UBE2D2: variants seen among roughly 807,000 people sequenced by gnomAD.
UBE2D2 encodes ubiquitin-conjugating enzyme E2 D2.
UBE2D2 carries 2 observed loss-of-function variants against 24.2 expected under a neutral mutation model. The ratio of observed to expected loss-of-function variants is 0.08; its 90% CI spans 0.03 to 0.26. The LOEUF (loss-of-function observed/expected upper bound fraction) is 0.26. UBE2D2 is among the 10% of genes least tolerant of loss of function. The probability of loss-of-function intolerance (pLI) is 1.00; values close to 1 mark genes in which losing one functional copy is unlikely to be tolerated. For missense variants in UBE2D2, 44 were observed against 177.6 expected (o/e 0.25, Z 4.28); for synonymous variants, 58 against 56.5 (o/e 1.03, Z -0.12).
chr5:139,599,031 C>G (rs1001831179), intron 1 of UBE2D2, among the ~76,000 whole-genome samples: 3 of 143,522 alleles, frequency 2.1e-5, no homozygotes, highest in African/African-American at 7.9e-5. Flanking sequence ...TGGGTTCAAG[C>G]AATACTCCTG....
At chr5:139,559,836 T>C (rs191733295), upstream of UBE2D2, among the ~76,000 whole-genome samples, 60 of 152,192 alleles carry the variant, frequency 3.9e-4, no homozygotes, top group African/African-American at 1.4e-3. Context: ...CCCAGCAAAA[T>C]ATTCTTTACT....
chr5:139,550,570 C>G (rs866694376), intron 1 of UBE2D2, among the ~76,000 whole-genome samples: 2 of 152,102 alleles, frequency 1.3e-5, no homozygotes, highest in East Asian at 1.9e-4. Context: ...CACGCTCACG[C>G]TATGGGAGTT....
At chr5:139,530,468 C>T (rs775058296) in intron 1 of UBE2D2, among the ~76,000 whole-genome samples, 3 of 152,226 alleles carry the variant, frequency 2.0e-5, no homozygotes, top group East Asian at 3.9e-4. Flanking sequence ...ACTATAGACC[C>T]GCCACTTAGG....
chr5:139,543,243 G>T (rs1305435997), intron 1 of UBE2D2, among the ~76,000 whole-genome samples: 2 of 152,168 alleles, frequency 1.3e-5, no homozygotes, highest in African/African-American at 4.8e-5. Flanking sequence ...TTTTCATGGG[G>T]CTGGGGGAAG....
upstream of UBE2D2, among the ~76,000 whole-genome samples, chr5:139,560,105 C>G (rs984892110): frequency 4.0e-5 from 6 of 150,270 alleles, no homozygotes; most frequent in African/African-American, 1.2e-4. Flanking sequence ...GTGCTCTCGG[C>G]TCACTGCAAC....
At chr5:139,567,151 G>A (rs1005079102) in intron 1 of UBE2D2, among the ~76,000 whole-genome samples, 1 of 152,144 alleles carries the variant, frequency 6.6e-6, no homozygotes, top group Non-Finnish European at 1.5e-5. Context: ...CCAGGCTGGA[G>A]TGCAGTGGCA....
At chr5:139,562,483 T>C in intron 1 of UBE2D2, 1 of 1,250,338 alleles carries the variant, frequency 8.0e-7, no homozygotes, top group Non-Finnish European at 1.0e-6. Flanking sequence ...AGTTAGAAAC[T>C]AACACTTCCG....
intron 1 of UBE2D2, among the ~76,000 whole-genome samples, chr5:139,564,101 T>G (rs1375219289): frequency 6.6e-6 from 1 of 152,220 alleles, no homozygotes; most frequent in Admixed American, 6.5e-5. Flanking sequence ...AGAATAGATT[T>G]TCCTTAAAAT....
In UBE2D2 at chr5:139,614,720, A is replaced by G; in HGVS notation, c.144A>G (p.Gly48=). 1 of 1,613,946 alleles carries G rather than the reference A, an allele frequency of 6.2e-7. No individual in the cohort carries two copies. Among genetic ancestry groups the G allele is most frequent in the Non-Finnish European group, 8.5e-7 (1 of 1,179,912 alleles). The change falls in exon 4 of 7, where the codon GGA becomes GGG. Residue 48 remains glycine (G), a synonymous_variant. Coordinates refer to ENST00000398733, the MANE Select transcript of UBE2D2 (RefSeq NM_003339.3). ...MGPNDSPYQG[G]VFFLTIHFPT... is the part of the protein sequence containing the mutation. Reference sequence around the variant, plus strand: ...AGAATGACAGTCCCTATCAGGGTGGAGTATTTTTCTTGACAATTCATTTCC... The same window carrying G: ...AGAATGACAGTCCCTATCAGGGTGGGGTATTTTTCTTGACAATTCATTTCC...
At chr5:139,603,571 G>A (rs375575453) in intron 2 of UBE2D2, among the ~76,000 whole-genome samples, 84 of 140,594 alleles carry the variant, frequency 6.0e-4, no homozygotes, top group African/African-American at 2.1e-3. Flanking sequence ...GTGGTGAGCC[G>A]AGATCCCGCC....
intron 1 of UBE2D2, among the ~76,000 whole-genome samples, chr5:139,600,048 T>C (rs1048477631): frequency 2.0e-5 from 3 of 152,208 alleles, no homozygotes; most frequent in South Asian, 2.1e-4. Context: ...TCTGCCCGCC[T>C]CAGCCTCCCA....
At chr5:139,580,266 T>C (rs1217317084) in intron 1 of UBE2D2, among the ~76,000 whole-genome samples, 1 of 152,042 alleles carries the variant, frequency 6.6e-6, no homozygotes, top group Non-Finnish European at 1.5e-5. Flanking sequence ...GGTTACATCA[T>C]GTTGCCCAGG....
intron 2 of UBE2D2, among the ~76,000 whole-genome samples, chr5:139,612,804 C>G (rs1337987303): frequency 2.0e-5 from 3 of 152,076 alleles, no homozygotes; most frequent in Non-Finnish European, 4.4e-5. Flanking sequence ...GTGTTTTAGT[C>G]TTGTTTTTAA....
intron 1 of UBE2D2, chr5:139,562,084 C>T: frequency 1.1e-6 from 1 of 909,888 alleles, no homozygotes; most frequent in Non-Finnish European, 1.6e-6. Context: ...CTTAGGGCTT[C>T]TCTCCAGTCT....
At chr5:139,543,587 G>T (rs918118066) in intron 1 of UBE2D2, among the ~76,000 whole-genome samples, 1 of 152,228 alleles carries the variant, frequency 6.6e-6, no homozygotes, top group Non-Finnish European at 1.5e-5. Flanking sequence ...GCCTCGGGCC[G>T]CCAGGGAGGG....
intron 1 of UBE2D2, chr5:139,554,823 T>C (rs1164477904): frequency 6.6e-6 from 1 of 152,218 alleles, no homozygotes; most frequent in Non-Finnish European, 1.5e-5. Context: ...TGTACATCCT[T>C]GTCACCATTT....
chr5:139,593,021 A>T (rs1189967468), intron 1 of UBE2D2, among the ~76,000 whole-genome samples: 11 of 140,260 alleles, frequency 7.8e-5, no homozygotes, highest in Admixed American at 7.3e-4. Context: ...TTTGAGGCAG[A>T]GTCTCGCTCT....
chr5:139,540,387 T>TA (rs1450315351), intron 1 of UBE2D2, among the ~76,000 whole-genome samples: 1 of 151,550 alleles, frequency 6.6e-6, no homozygotes, highest in Non-Finnish European at 1.5e-5. Flanking sequence ...CATCTTTGTT[T>TA]AAAAAAAAGT....
chr5:139,596,681 G>A (rs946612750), intron 1 of UBE2D2, among the ~76,000 whole-genome samples: 2 of 151,740 alleles, frequency 1.3e-5, no homozygotes, highest in African/African-American at 4.8e-5. Context: ...CGGAAGGATC[G>A]CTTGAGTCTA....
Sources: gnomAD v4.1 joint callset for allele counts (sites outside exome capture counted in the v4.1 genomes callset) on GRCh38, gnomAD v4.1.1 for gene constraint, MANE v1.5 for transcripts, NCBI Gene and HGNC (gene_info 2026-07-23, HGNC 2026-07-21) for gene names.